Variants in MYOM2 observed in about 807,000 individuals in gnomAD.
MYOM2 encodes the protein myomesin-2.
Under a neutral mutation model 187.6 loss-of-function variants are expected in MYOM2, and 254 were observed. The ratio of observed to expected loss-of-function variants is 1.35; its 90% CI spans 1.22 to 1.50. MYOM2 has a LOEUF of 1.50. Ranked by LOEUF, MYOM2 falls within the 40% of genes most tolerant of loss-of-function variation. The pLI is 0.00. For missense variants in MYOM2, 2,796 were observed against 1,924.0 expected, an observed-to-expected ratio of 1.45 and a Z score of -8.48; for synonymous variants, 981 against 753.8, an observed-to-expected ratio of 1.30 and a Z score of -4.94.
chr8:2,142,845 T>G (rs1321116354), intron 35 of MYOM2, among the ~76,000 whole-genome samples: 1 of 150,582 alleles, frequency 6.6e-6, no homozygotes, highest in African/African-American at 2.4e-5. Flanking sequence ...AACCTCTGCC[T>G]CCTGGGTTCA....
In MYOM2 at chr8:2,115,062, G is replaced by C. The variant is rs143138875; in HGVS notation, c.3181-898G>C. On this transcript the variant is annotated intron_variant, in intron 25 of 36. Coordinates refer to ENST00000262113, the MANE Select transcript of MYOM2 (RefSeq NM_003970.4). ...TTTCATTAGAATTAGAGTTATTTAAGTGAAAAAGTGAAATTTAAGTATTAA... is the reference window on the plus strand; with the variant it reads ...TTTCATTAGAATTAGAGTTATTTAACTGAAAAAGTGAAATTTAAGTATTAA... Among the ~76,000 whole-genome samples, 861 of 151,790 alleles carry C rather than the reference G, an allele frequency of 5.7e-3. 16 individuals are homozygous for C. The highest frequency in any genetic ancestry group is 0.049 in the East Asian group (251 of 5,172).
chr8:2,048,292 C>A (rs1818373291), intron 1 of MYOM2, among the ~76,000 whole-genome samples: 1 of 152,214 alleles, frequency 6.6e-6, no homozygotes, highest in Admixed American at 6.5e-5. Context: ...GAAACGTCTT[C>A]CCCAACCTTG....
chr8:2,102,634 C>G, intron 20 of MYOM2, 33 bp from the exon 21 acceptor site: 1 of 1,461,476 alleles, frequency 6.8e-7, no homozygotes, highest in Non-Finnish European at 9.5e-7. Flanking sequence ...TATTTTACCT[C>G]CACACATCTG....
At position 2,098,863 on chromosome 8, in the gene MYOM2, G is replaced by A. The variant is rs764247485; in HGVS notation, c.2320G>A (p.Gly774Ser). 16 of 1,611,110 alleles carry A rather than the reference G, an allele frequency of 9.9e-6. No individual in the cohort carries two copies. The highest frequency in any genetic ancestry group is 2.2e-5 in the South Asian group (2 of 90,782). Residue 774 changes from glycine to serine, a missense_variant, in exon 19 of 37, where the codon GGC (glycine) becomes AGC (serine). Physicochemically the swap from Gly to Ser is moderately conservative, Grantham distance 56. Transcript: ENST00000262113. ...TTAAACAAAATCTGAATAGGTGGAC[G>A]GCTTGACGGAAGGCTCACTCTACGA... ...PSKPTILTVD[G>S]LTEGSLYEFK...
chr8:2,099,528 G>C (rs1796612546), intron 19 of MYOM2, among the ~76,000 whole-genome samples: 1 of 152,056 alleles, frequency 6.6e-6, no homozygotes. Context: ...GGGGATCTCG[G>C]GGCTTCTGCT....
At chr8:2,055,940 C>T (rs750150259) in intron 3 of MYOM2, among the ~76,000 whole-genome samples, 5 of 152,104 alleles carry the variant, frequency 3.3e-5, no homozygotes, top group Non-Finnish European at 7.4e-5. Context: ...GGCGGCGCTC[C>T]GGCTCGGCCA....
intron 32 of MYOM2, among the ~76,000 whole-genome samples, chr8:2,139,908 G>A (rs946915122): frequency 2.0e-5 from 3 of 152,138 alleles, no homozygotes; most frequent in African/African-American, 7.2e-5. Flanking sequence ...TTAAAATATT[G>A]TAGCATAATA....
intron 13 of MYOM2, among the ~76,000 whole-genome samples, chr8:2,082,637 G>A (rs915473640): frequency 3.3e-5 from 5 of 152,124 alleles, no homozygotes; most frequent in African/African-American, 1.2e-4. Context: ...GAATTGCTCC[G>A]TTGAAAAATG....
intron 3 of MYOM2, 97 bp from the exon 4 acceptor site, chr8:2,057,251 C>A: frequency 7.1e-7 from 1 of 1,417,770 alleles, no homozygotes; most frequent in African/African-American, 1.4e-5. Context: ...CTTAAGGAAA[C>A]CCTAGGGAGA....
chr8:2,109,518 T>G lies in MYOM2; in HGVS notation c.3167T>G (p.Val1056Gly), dbSNP rs150025412. Residue 1056 changes from valine (V) to glycine (G), a missense_variant, in exon 25 of 37, where the codon GTC becomes GGC. By Grantham distance (109) the Val-to-Gly change is moderately radical (BLOSUM62 -3). Coordinates refer to ENST00000262113, the MANE Select transcript of MYOM2 (RefSeq NM_003970.4). ...SYRFIINDRE[V>G]SDSEIHRIKC... Reference sequence around the variant, plus strand: ...CGATTTATTATTAACGACAGAGAAGTCTCTGACAGCGAGGTGAGTTCCTGT... The same window carrying G: ...CGATTTATTATTAACGACAGAGAAGGCTCTGACAGCGAGGTGAGTTCCTGT... The G allele has an allele frequency of 3.4e-5, 54 of 1,611,150 alleles. No homozygotes were observed. The highest frequency in any genetic ancestry group is 4.3e-5 in the Non-Finnish European group (51 of 1,178,820).
chr8:2,071,885 C>A (rs1193465636), intron 8 of MYOM2, among the ~76,000 whole-genome samples: 1 of 152,158 alleles, frequency 6.6e-6, no homozygotes, highest in African/African-American at 2.4e-5. Flanking sequence ...TCTTCCTCCT[C>A]TTCCAAGGGC....
At chr8:2,086,961 C>G (rs1314876506) in intron 14 of MYOM2, among the ~76,000 whole-genome samples, 2 of 151,556 alleles carry the variant, frequency 1.3e-5, no homozygotes, top group Non-Finnish European at 2.9e-5. Context: ...TGAATGCATA[C>G]AAAGAAATAC....
At chr8:2,075,290 C>T (rs11993224) in intron 10 of MYOM2, among the ~76,000 whole-genome samples, 6 of 152,088 alleles carry the variant, frequency 3.9e-5, no homozygotes, top group African/African-American at 9.7e-5. Context: ...TATGATGCTC[C>T]GCCCCATAAA....
At chr8:2,128,672 A>T (rs1299670665) in intron 31 of MYOM2, among the ~76,000 whole-genome samples, 41 of 151,952 alleles carry the variant, frequency 2.7e-4, no homozygotes, top group Non-Finnish European at 1.5e-5. Context: ...CCCAAGTTTC[A>T]TTTGTCTTGA....
chr8:2,133,551 C>G (rs888385645), intron 32 of MYOM2, among the ~76,000 whole-genome samples: 2 of 152,220 alleles, frequency 1.3e-5, no homozygotes, highest in Non-Finnish European at 2.9e-5. Context: ...ACCTCTGCCT[C>G]CTGGGTTCAA....
At chr8:2,142,442 G>A (rs771714031) in intron 35 of MYOM2, 45 bp downstream of exon 35, 1 of 1,604,330 alleles carries the variant, frequency 6.2e-7, no homozygotes, top group Non-Finnish European at 8.5e-7. Context: ...ATTATTTGGG[G>A]TGGGGCAAAA....
chr8:2,097,660 G>A lies in MYOM2; in HGVS notation c.2314-1197G>A, dbSNP rs939614986. On this transcript the variant is annotated intron_variant, in intron 18 of 36. Transcript: ENST00000262113. ...CTCCTGAGTAGCTGGGATTACAGGC[G>A]CCCACCACCACGCCCGGCTAATTTT... Among the ~76,000 whole-genome samples the A allele has an allele frequency of 6.6e-5, 10 of 151,922 alleles. No individual in the cohort carries two copies. The East Asian group carries it at 9.7e-4, about 15-fold the overall frequency.
At chr8:2,072,078 G>T (rs1396342142) in intron 8 of MYOM2, among the ~76,000 whole-genome samples, 1 of 152,188 alleles carries the variant, frequency 6.6e-6, no homozygotes, top group Non-Finnish European at 1.5e-5. Flanking sequence ...GTGGGGCGGT[G>T]ACAAAGACGT....
chr8:2,083,520 G>T (rs73657723), intron 13 of MYOM2, among the ~76,000 whole-genome samples: 3,533 of 152,074 alleles, frequency 0.023, 131 homozygotes, highest in African/African-American at 0.082. Context: ...AGCATCTCAC[G>T]TGTGCTTAGC....
Sources: gnomAD v4.1 joint callset for allele counts (sites outside exome capture counted in the v4.1 genomes callset) on GRCh38, gnomAD v4.1.1 for gene constraint, MANE v1.5 for transcripts, NCBI Gene and HGNC (gene_info 2026-07-23, HGNC 2026-07-21) for gene names.